SIRT7: variants seen among roughly 807,000 people sequenced by gnomAD.
SIRT7 encodes the protein sirtuin 7, also known as NAD-dependent protein deacetylase sirtuin-7.
In SIRT7, 32 loss-of-function variants were observed where a neutral mutation model predicts 42.8. The observed-to-expected ratio is 0.75, with a 90% CI of 0.56 to 1.00. The LOEUF (loss-of-function observed/expected upper bound fraction) is 1.00, where lower values mean the gene tolerates loss of function less well. Ranked by LOEUF, SIRT7 falls within the 50% of genes least tolerant of loss-of-function variation. The pLI is 0.00. For missense variants in SIRT7, 553 were observed against 572.2 expected (o/e 0.97, Z 0.34); for synonymous variants, 297 against 245.2 (o/e 1.21, Z -1.97).
chr17:81,914,847 A>T (rs1454620650), intron 5 of SIRT7, 145 bp from the exon 6 acceptor site: 4 of 659,324 alleles, frequency 6.1e-6, no homozygotes, highest in Non-Finnish European at 1.1e-5. Flanking sequence ...GAGCCTTAGA[A>T]AGTAAAACAC....
rs1032292993 is a variant in SIRT7 at position 81,917,963 on chromosome 17, G to A, written c.98C>T (p.Ser33Leu). 5.2e-6 allele frequency: 7 copies of A among 1,350,384 alleles called. No homozygotes were observed. The African/African-American group carries it at 6.1e-5, about 12-fold the overall frequency. 83.7% of individuals were successfully genotyped at this position (1,350,384 alleles called of 1,614,324 possible). ...EQQRERLRQV[S>L]RILRKAAAER... ...CGCCGCCGCCTTCCTCAGGATGCGC[G>A]ACACCTGCGGGCAGGCGGACGGTGA... The change falls in exon 2 of 10, where the codon TCG (serine) becomes TTG (leucine). Residue 33 changes from serine (S) to leucine (L), a missense_variant. Ser to Leu is a moderately radical substitution (Grantham distance 145). Transcript: ENST00000328666.
At position 81,918,083 on chromosome 17, in the gene SIRT7, C is replaced by T; in HGVS notation, c.49G>A (p.Val17Ile). 1.4e-5 allele frequency: 22 copies of T among 1,550,918 alleles called. No individual in the cohort carries two copies. The highest frequency in any genetic ancestry group is 1.9e-5 in the Admixed American group (1 of 53,834). ...SRSERKAAER[V>I]RRLREEQQRE... ...TGCTGCTCCTCCCGCAACCTCCGGACCCGCTCCGCCGCTTTGCGCTCGGAG... is the reference window on the plus strand; with the variant it reads ...TGCTGCTCCTCCCGCAACCTCCGGATCCGCTCCGCCGCTTTGCGCTCGGAG... The change falls in exon 1 of 10, where the codon GTC becomes ATC. Residue 17 changes from valine (V) to isoleucine (I), a missense_variant. Coordinates refer to ENST00000328666, the MANE Select transcript of SIRT7 (RefSeq NM_016538.3).
intron 3 of SIRT7, chr17:81,917,366 C>T (rs140841177): frequency 3.0e-5 from 12 of 400,710 alleles, no homozygotes; most frequent in Non-Finnish European, 5.3e-5. Context: ...TTGGGCTTAG[C>T]TCTGTCCACA....
chr17:81,914,472 C>T lies in SIRT7; in HGVS notation c.638G>A (p.Arg213His), dbSNP rs561394492. The change falls in exon 7 of 10, where the codon CGC (arginine) becomes CAC (histidine). Residue 213 changes from arginine (R) to histidine (H), a missense_variant. Arg to His is a conservative substitution (Grantham distance 29). Coordinates refer to ENST00000328666, the MANE Select transcript of SIRT7 (RefSeq NM_016538.3). The part of the protein sequence containing the change: ...EYVRVFDVTE[R>H]TALHRHQTGR... ...TGTCTGGTGTCTGTGGAGGGCAGTG[C>T]GCTCCGTCACATCGAACACCCGCAC... is the stretch of plus-strand genomic sequence containing the variant. 9.9e-6 allele frequency: 16 copies of T among 1,613,094 alleles called. No individual in the cohort carries two copies. The Admixed American group carries it at 1.5e-4, about 15-fold the overall frequency.
intron 7 of SIRT7, 52 bp from the exon 8 acceptor site, chr17:81,914,219 C>T (rs762409705): frequency 1.2e-6 from 2 of 1,612,242 alleles, no homozygotes; most frequent in South Asian, 2.2e-5. Flanking sequence ...CAAGTCTGTA[C>T]AGTGCTGGGC....
In SIRT7 at chr17:81,913,716, A is replaced by G. The variant is rs1465878629; in HGVS notation, c.1004+58T>C. 11 of 1,410,398 alleles carry G rather than the reference A, an allele frequency of 7.8e-6. No individual in the cohort carries two copies. The South Asian group carries it at 9.9e-5, about 13-fold the overall frequency. 87.4% of individuals were successfully genotyped at this position (1,410,398 alleles called of 1,614,324 possible). A position where few individuals can be genotyped will look rare whatever the true frequency, so the allele number is the denominator to read the frequency against. The stretch of plus-strand genomic sequence containing the variant: ...CCACACTCAGCTCACGAGAGAAGAC[A>G]GACAAGGCCCAGCACACAGAGGTGC... On this transcript the variant is annotated intron_variant, in intron 9 of 9. Transcript: ENST00000328666. The surrounding 1 kb of genome is among the most constrained non-coding windows in gnomAD (Gnocchi z 5.0).
At position 81,913,785 on chromosome 17, in the gene SIRT7, G is replaced by A. The variant is rs879036221; in HGVS notation, c.993C>T (p.Pro331=). 25 of 1,548,594 alleles carry A rather than the reference G, an allele frequency of 1.6e-5. 1 individual carries two copies. The highest frequency in any genetic ancestry group is 1.4e-4 in the African/African-American group (10 of 73,000). Residue 331 remains proline, a synonymous_variant, in exon 9 of 10, where the codon CCC becomes CCT. Coordinates refer to ENST00000328666, the MANE Select transcript of SIRT7 (RefSeq NM_016538.3). The surrounding 1 kb of genome is among the most constrained non-coding windows in gnomAD (Gnocchi z 5.0). Reference sequence around the variant, plus strand: ...AGCGGCTCACTCACCTGCTATAGGCGGGGATCTCCAAGCCCAGCTCGGCCA... The same window carrying A: ...AGCGGCTCACTCACCTGCTATAGGCAGGGATCTCCAAGCCCAGCTCGGCCA... ...LLMAELGLEI[P]AYSRWQDPIF...
chr17:81,913,947 G>A lies in SIRT7; in HGVS notation c.898-67C>T. 6.5e-7 allele frequency: 1 copy of A among 1,536,978 alleles called. No individual in the cohort carries two copies. The highest frequency in any genetic ancestry group is 8.8e-7 in the Non-Finnish European group (1 of 1,130,314). ...CCCTTCCCGGTGGCCTGTCAGCCTT[G>A]GCCCCTACGGGCTCAGTCGGTGCTC... is the stretch of plus-strand genomic sequence containing the variant. On this transcript the variant is annotated intron_variant, in intron 8 of 9. Coordinates refer to ENST00000328666, the MANE Select transcript of SIRT7 (RefSeq NM_016538.3). This position sits in a 1 kb window ranked among gnomAD's most constrained non-coding sequence, Gnocchi z 5.0.
At position 81,912,357 on chromosome 17, in the gene SIRT7, G is replaced by A; in HGVS notation, c.*59C>T. 6.2e-7 allele frequency: 1 copy of A among 1,601,060 alleles called. No individual in the cohort carries two copies. Among genetic ancestry groups the A allele is most frequent in the South Asian group, 1.1e-5 (1 of 90,776 alleles). On this transcript the variant is annotated 3_prime_UTR_variant, in exon 10 of 10. Coordinates refer to ENST00000328666, the MANE Select transcript of SIRT7 (RefSeq NM_016538.3). ...TCCCTAGACCCGTGGGGGCAACCCA[G>A]CCTTCACCGTGACACTGGCCATCTG...
Position 81,912,256 on chromosome 17 carries a change from G to A in SIRT7, c.*160C>T. 1 of 864,770 alleles carries A rather than the reference G, an allele frequency of 1.2e-6. No homozygotes were observed. Among genetic ancestry groups the A allele is most frequent in the Non-Finnish European group, 1.8e-6 (1 of 544,604 alleles). 53.6% of individuals were successfully genotyped at this position (864,770 alleles called of 1,614,324 possible). ...CAGGCCGTATCAGGGTACAACCGCA[G>A]CAGTGCAAGGGGCTTCCTCAAGGAC... On this transcript the variant is annotated 3_prime_UTR_variant, in exon 10 of 10. Coordinates refer to ENST00000328666, the MANE Select transcript of SIRT7 (RefSeq NM_016538.3).
At chr17:81,915,054 C>T in intron 5 of SIRT7, 1 of 479,810 alleles carries the variant, frequency 2.1e-6, no homozygotes, top group Non-Finnish European at 3.8e-6. Flanking sequence ...ATTTCAGGTC[C>T]CTGGGGACCT....
chr17:81,917,939 G>A lies in SIRT7; in HGVS notation c.122C>T (p.Ala41Val). ...QVSRILRKAA[A>V]ERSAEEGRLL... ...CCGGCCCTCCTCGGCGCTGCGCTCC[G>A]CCGCCGCCTTCCTCAGGATGCGCGA... The change falls in exon 2 of 10, where the codon GCG becomes GTG. Residue 41 changes from alanine to valine, a missense_variant. By Grantham distance (64) the Ala-to-Val change is moderately conservative (BLOSUM62 0). Coordinates refer to ENST00000328666, the MANE Select transcript of SIRT7 (RefSeq NM_016538.3). 4 of 1,386,792 alleles carry A rather than the reference G, an allele frequency of 2.9e-6. No individual in the cohort carries two copies. Among genetic ancestry groups the A allele is most frequent in the Admixed American group, 2.9e-5 (1 of 34,788 alleles). The allele number at this position is 1,386,792 out of a possible 1,614,324, so 85.9% of individuals were successfully genotyped here. A position where few individuals can be genotyped will look rare whatever the true frequency, so the allele number is the denominator to read the frequency against.
At chr17:81,915,149 AG>A (rs745549234) in intron 5 of SIRT7, 58 of 537,706 alleles carry the variant, frequency 1.1e-4, no homozygotes, top group Non-Finnish European at 1.8e-4. Context: ...CCCTGTGACT[AG>A]GATGGCTTCT....
chr17:81,914,783 G>T, intron 5 of SIRT7, 81 bp from the exon 6 acceptor site: 1 of 1,182,630 alleles, frequency 8.5e-7, no homozygotes, highest in Non-Finnish European at 1.2e-6. Context: ...CAGCGAGGCT[G>T]TTCTGAGCCC....
chr17:81,914,093 G>A lies in SIRT7; in HGVS notation c.891C>T (p.Asn297=), dbSNP rs1242060948. The change falls in exon 8 of 10, where the codon AAC becomes AAT. Residue 297 remains asparagine, a synonymous_variant. Transcript: ENST00000328666. ...CTCTCAGCACCCGAGTTACCTGCAG[G>A]TTCACGATGTAAAGCTTCGGCCGCC... The part of the protein sequence containing the change: ...PSRRPKLYIV[N]LQWTPKDDWA... 1.9e-6 allele frequency: 3 copies of A among 1,613,384 alleles called. No homozygotes were observed. The highest frequency in any genetic ancestry group is 4.5e-5 in the East Asian group (2 of 44,902).
In SIRT7 at chr17:81,912,373, T is replaced by C. The variant is rs370769969; in HGVS notation, c.*43A>G. 4 of 1,612,276 alleles carry C rather than the reference T, an allele frequency of 2.5e-6. No homozygotes were observed. The highest frequency in any genetic ancestry group is 3.4e-6 in the Non-Finnish European group (4 of 1,178,508). On this transcript the variant is annotated 3_prime_UTR_variant, in exon 10 of 10. Transcript: ENST00000328666. Reference sequence around the variant, plus strand: ...GGCAACCCAGCCTTCACCGTGACACTGGCCATCTGCAAAGTGCCAACTGTT... The same window carrying C: ...GGCAACCCAGCCTTCACCGTGACACCGGCCATCTGCAAAGTGCCAACTGTT...
rs569633613 is a variant in SIRT7, at chr17:81,915,509, A to G, written c.411T>C (p.Ala137=). The G allele has an allele frequency of 2.5e-6, 4 of 1,613,674 alleles. No individual in the cohort carries two copies. In the South Asian group the frequency reaches 3.3e-5, roughly 13 times the overall value. The part of the protein sequence containing the change: ...TLLQKGRSVS[A]ADLSEAEPTL... Reference sequence around the variant, plus strand: ...TTGGCTCGGCCTCGCTCAGGTCGGCAGCACTGCCAGGCAGAAAGGAAGGCA... The same window carrying G: ...TTGGCTCGGCCTCGCTCAGGTCGGCGGCACTGCCAGGCAGAAAGGAAGGCA... The change falls in exon 5 of 10, where the codon GCT becomes GCC. Residue 137 remains alanine (A), a synonymous_variant. Coordinates refer to ENST00000328666, the MANE Select transcript of SIRT7 (RefSeq NM_016538.3).
chr17:81,915,784 G>T, intron 3 of SIRT7, 103 bp from the exon 4 acceptor site: 1 of 1,311,560 alleles, frequency 7.6e-7, no homozygotes, highest in East Asian at 2.5e-5. Flanking sequence ...CCGCATTCCG[G>T]GCTGGCCTGC....
chr17:81,912,884 G>A (rs554361626), intron 9 of SIRT7: 16 of 528,878 alleles, frequency 3.0e-5, no homozygotes, highest in African/African-American at 5.7e-5. Context: ...ACCACTGAGC[G>A]GCGTGCACAC....
Sources: gnomAD v4.1 joint callset for allele counts on GRCh38, gnomAD v4.1.1 for gene constraint, Gnocchi (gnomAD v3.1) non-coding constraint, MANE v1.5 for transcripts, NCBI Gene and HGNC (gene_info 2026-07-23, HGNC 2026-07-21) for gene names.